GLIS3: variants seen among roughly 807,000 people sequenced by gnomAD.
GLIS3 encodes zinc finger protein GLIS3.
Under a neutral mutation model 78.6 loss-of-function variants are expected in GLIS3, and 53 were observed. That is an observed-to-expected ratio of 0.67 (90% CI 0.54 to 0.85). The LOEUF (loss-of-function observed/expected upper bound fraction) is 0.85, where lower values mean the gene tolerates loss of function less well. GLIS3 is among the 40% of genes least tolerant of loss of function. GLIS3 has a pLI of 0.00. For synonymous variants in GLIS3, 684 were observed against 509.9 expected (o/e 1.34, Z -4.60); for missense variants, 1,703 against 1,231.1 (o/e 1.38, Z -5.74).
At chr9:4,275,026 C>G (rs1826856345) in intron 2 of GLIS3, among the ~76,000 whole-genome samples, 1 of 152,170 alleles carries the variant, frequency 6.6e-6, no homozygotes, top group South Asian at 2.1e-4. Flanking sequence ...TAAATACAAG[C>G]CACTATCTAT....
At chr9:4,352,541 T>C (rs1031560348), upstream of GLIS3, among the ~76,000 whole-genome samples, 3 of 152,242 alleles carry the variant, frequency 2.0e-5, no homozygotes, top group Non-Finnish European at 2.9e-5. Context: ...CAAACAACCA[T>C]GCTCTTTAGA....
At chr9:3,893,093 C>G (rs1214854894) in intron 7 of GLIS3, among the ~76,000 whole-genome samples, 3 of 152,152 alleles carry the variant, frequency 2.0e-5, no homozygotes, top group Admixed American at 6.5e-5. Flanking sequence ...TCTCCCTCCT[C>G]CCACCCTCTA....
chr9:4,096,261 T>A (rs1441492813), intron 4 of GLIS3, among the ~76,000 whole-genome samples: 1 of 152,210 alleles, frequency 6.6e-6, no homozygotes, highest in East Asian at 1.9e-4. Context: ...TAACTCTGTT[T>A]AGACTAAGGT....
chr9:4,358,419 C>G, the GLIS3 span, among the ~76,000 whole-genome samples: 1 of 152,144 alleles, frequency 6.6e-6, no homozygotes, highest in Non-Finnish European at 1.5e-5. Flanking sequence ...CCGAAATGTT[C>G]ATTGTCCAGT....
rs545067520 is a variant in GLIS3, at chr9:4,071,641, A to C, written c.1710+46127T>G. 3 of 152,308 alleles carry C rather than the reference A, an allele frequency of 2.0e-5. No individual in the cohort carries two copies. The South Asian group carries it at 6.2e-4, about 32-fold the overall frequency. The allele number at this position is 152,308 out of a possible 1,614,324, so 9.4% of individuals were successfully genotyped here. On this transcript the variant is annotated intron_variant, in intron 4 of 10. Transcript: ENST00000381971. ...GCAAAAGCTTAAAATGGCAGCTGCC[A>C]ATATTGGTACCCTTTAGGAGCTCTT... is the stretch of plus-strand genomic sequence containing the variant.
rs35804084 is a variant in GLIS3, at chr9:4,072,741, G to GTT, written c.1710+45025_1710+45026dup. On this transcript the variant is annotated intron_variant, in intron 4 of 10. Transcript: ENST00000381971. ...GGGTATTGGCTTTCTAAAGAGAACTGTTTTTTTTTGTTGTTGTTGTTATAT... is the reference window on the plus strand; with the variant it reads ...GGGTATTGGCTTTCTAAAGAGAACTGTTTTTTTTTTTGTTGTTGTTGTTATAT... Among the ~76,000 whole-genome samples the GTT allele has an allele frequency of 9.0e-3, 1,343 of 149,558 alleles. 24 individuals are homozygous for GTT. Among genetic ancestry groups the GTT allele is most frequent in the African/African-American group, 0.032 (1,287 of 40,718 alleles).
the GLIS3 span, among the ~76,000 whole-genome samples, chr9:4,427,791 G>A: frequency 5.9e-5 from 9 of 151,756 alleles, no homozygotes; most frequent in Admixed American, 1.3e-4. Flanking sequence ...TCCAGGAGGC[G>A]GAGGTTGCAG....
chr9:4,233,347 G>T (rs1308788411), intron 2 of GLIS3, among the ~76,000 whole-genome samples: 1 of 152,198 alleles, frequency 6.6e-6, no homozygotes, highest in Non-Finnish European at 1.5e-5. Flanking sequence ...CAAACTGAAA[G>T]TTGAAATTAC....
At chr9:4,161,674 T>TG (rs1277703184) in intron 2 of GLIS3, among the ~76,000 whole-genome samples, 1 of 63,330 alleles carries the variant, frequency 1.6e-5, no homozygotes, top group Non-Finnish European at 3.1e-5. Flanking sequence ...ATGCTAGAAG[T>TG]CTTTTTTTTT....
chr9:3,873,386 T>C (rs895021139), intron 8 of GLIS3, among the ~76,000 whole-genome samples: 7 of 152,140 alleles, frequency 4.6e-5, no homozygotes, highest in South Asian at 2.1e-4. Context: ...AAGTGCGATT[T>C]ATACGAGGGA....
At chr9:4,126,261 T>C (rs1364673923) in intron 2 of GLIS3, among the ~76,000 whole-genome samples, 1 of 152,206 alleles carries the variant, frequency 6.6e-6, no homozygotes, top group African/African-American at 2.4e-5. Flanking sequence ...GTAGATGGGA[T>C]TGCCTGTATC....
chr9:4,437,106 G>A, the GLIS3 span, among the ~76,000 whole-genome samples: 2 of 152,164 alleles, frequency 1.3e-5, no homozygotes, highest in Non-Finnish European at 2.9e-5. Flanking sequence ...GAGGACAGAA[G>A]AAGAGGAGAC....
intron 2 of GLIS3, among the ~76,000 whole-genome samples, chr9:4,277,284 G>A (rs1031019053): frequency 6.6e-6 from 1 of 152,130 alleles, no homozygotes; most frequent in Non-Finnish European, 1.5e-5. Flanking sequence ...TAAAATCTAT[G>A]ATGTGGCAGT....
chr9:4,005,553 T>G (rs187732862), intron 4 of GLIS3, among the ~76,000 whole-genome samples: 13 of 152,286 alleles, frequency 8.5e-5, no homozygotes, highest in Non-Finnish European at 7.3e-5. Context: ...TAGTCTCAGT[T>G]TGATCATCAA....
At chr9:4,369,178 C>G in the GLIS3 span, among the ~76,000 whole-genome samples, 1 of 152,010 alleles carries the variant, frequency 6.6e-6, no homozygotes, top group Admixed American at 6.6e-5. Context: ...CCTTGAGGTC[C>G]TCCCATTTTA....
the GLIS3 span, among the ~76,000 whole-genome samples, chr9:4,431,945 T>C: frequency 0.059 from 9,037 of 152,004 alleles, 882 homozygotes; most frequent in African/African-American, 0.21. Context: ...AGCACAAAAG[T>C]AGCCATAGGC....
chr9:4,334,391 A>C (rs1817724390), intron 2 of GLIS3, among the ~76,000 whole-genome samples: 1 of 152,318 alleles, frequency 6.6e-6, no homozygotes, highest in Non-Finnish European at 1.5e-5. Flanking sequence ...TTGGCTGTCA[A>C]GGAGCTGGTG....
intron 2 of GLIS3, among the ~76,000 whole-genome samples, chr9:4,260,285 G>A (rs1335227531): frequency 6.6e-6 from 1 of 151,944 alleles, no homozygotes; most frequent in African/African-American, 2.4e-5. Flanking sequence ...ACAAAAATTA[G>A]GCCGGGCACA....
intron 9 of GLIS3, among the ~76,000 whole-genome samples, chr9:3,836,004 T>C (rs953772016): frequency 6.6e-5 from 10 of 152,320 alleles, no homozygotes; most frequent in African/African-American, 2.2e-4. Context: ...ACGGGATACA[T>C]AGAGATGTAA....
Sources: allele counts gnomAD v4.1 joint callset (sites outside exome capture counted in the v4.1 genomes callset), GRCh38; gene constraint gnomAD v4.1.1; transcripts MANE v1.5; gene names NCBI Gene and HGNC (gene_info 2026-07-23, HGNC 2026-07-21).